CASKIN2: variants seen among roughly 807,000 people sequenced by gnomAD.
CASKIN2 encodes caskin-2.
In CASKIN2, 41 loss-of-function variants were observed where a neutral mutation model predicts 107.1. The ratio of observed to expected loss-of-function variants is 0.38; its 90% CI spans 0.30 to 0.50. The LOEUF (loss-of-function observed/expected upper bound fraction) is 0.50, where lower values mean the gene tolerates loss of function less well. CASKIN2 is among the 20% of genes least tolerant of loss of function. The pLI, the probability that CASKIN2 is intolerant of heterozygous loss-of-function variation, is 0.92. For missense variants in CASKIN2, 1,546 were observed against 1,657.4 expected, an observed-to-expected ratio of 0.93 and a Z score of 1.17; for synonymous variants, 724 against 705.6, an observed-to-expected ratio of 1.03 and a Z score of -0.41.
chr17:75,506,916 G>C lies in CASKIN2; in HGVS notation c.391-22C>G. 4.3e-6 allele frequency: 7 copies of C among 1,611,266 alleles called. No individual in the cohort carries two copies. Among genetic ancestry groups the C allele is most frequent in the Non-Finnish European group, 5.9e-6 (7 of 1,178,700 alleles). ...CTGACTGGGGTTGGGGGAGCCGAGT[G>C]AGGGGGCCTGGCCTGTCCGGCACCC... On this transcript the variant is annotated intron_variant, in intron 5 of 19. Coordinates refer to ENST00000321617, the MANE Select transcript of CASKIN2 (RefSeq NM_020753.5). This position sits in a 1 kb window ranked among gnomAD's most constrained non-coding sequence, Gnocchi z 4.8.
chr17:75,515,422 GT>G lies in CASKIN2; in HGVS notation c.-427del. The G allele has an allele frequency of 6.6e-6, 1 of 152,426 alleles. No homozygotes were observed. Among genetic ancestry groups the G allele is most frequent in the Non-Finnish European group, 1.5e-5 (1 of 68,114 alleles). The allele number at this position is 152,426 out of a possible 1,614,324, so 9.4% of individuals were successfully genotyped here. A position where few individuals can be genotyped will look rare whatever the true frequency, so the allele number is the denominator to read the frequency against. On this transcript the variant is annotated 5_prime_UTR_variant, in exon 1 of 20. Coordinates refer to ENST00000321617, the MANE Select transcript of CASKIN2 (RefSeq NM_020753.5). ...TCACCTCTCCCGGCCGCCCGCCGGGGTCCGGCTGGCCCTGCTCGGTCCCTGG... is the reference window on the plus strand; with the variant it reads ...TCACCTCTCCCGGCCGCCCGCCGGGGCCGGCTGGCCCTGCTCGGTCCCTGG...
At position 75,505,628 on chromosome 17, in the gene CASKIN2, G is replaced by A. The variant is rs1163629770; in HGVS notation, c.859C>T (p.Arg287Ter). 6.2e-7 allele frequency: 1 copy of A among 1,613,286 alleles called. No individual in the cohort carries two copies. The highest frequency in any genetic ancestry group is 1.7e-5 in the Admixed American group (1 of 60,008). Residue 287 changes from arginine to a stop codon, truncating the protein, a stop_gained, in exon 10 of 20, where the codon CGA becomes TGA. Transcript: ENST00000321617. LOFTEE classifies it high-confidence loss of function. The surrounding 1 kb of genome is among the most constrained non-coding windows in gnomAD (Gnocchi z 5.1). ...AGGTTCCAGAAATCCTTGAGCGCTC[G>A]GACCTTCAGGATCCCTGAGGCCTCT... The part of the protein sequence containing the change: ...LREASGILKV[R>*]ALKDFWNLHD...
chr17:75,501,400 T>C (rs2053181087), intron 19 of CASKIN2, 68 bp downstream of exon 19: 1 of 1,512,304 alleles, frequency 6.6e-7, no homozygotes, highest in Non-Finnish European at 9.1e-7. Context: ...CCATGATCCC[T>C]GGGCAGAGGA....
Position 75,506,399 on chromosome 17 carries a change from G to A in CASKIN2, c.632C>T (p.Ala211Val). 1 of 1,610,026 alleles carries A rather than the reference G, an allele frequency of 6.2e-7. No homozygotes were observed. The change falls in exon 8 of 20, where the codon GCT becomes GTT. Residue 211 changes from alanine to valine, a missense_variant. Around this residue, in one of 6 missense-constraint regions of CASKIN2, gnomAD observed 62 missense variants for 81.1 expected, o/e 0.76. Transcript: ENST00000321617. The surrounding 1 kb of genome is among the most constrained non-coding windows in gnomAD (Gnocchi z 4.8). ...GGTCTGGCGGTTGATCTCGATCCCAGCTCTCAGGAGCTGCCTGCAGTGGAC... is the reference window on the plus strand; with the variant it reads ...GGTCTGGCGGTTGATCTCGATCCCAACTCTCAGGAGCTGCCTGCAGTGGAC... Reference protein sequence around the residue: ...HREVIRQLLRAGIEINRQTKT... With the variant: ...HREVIRQLLRVGIEINRQTKT...
Position 75,500,921 on chromosome 17 carries a change from TG to T in CASKIN2, c.*158del. ...AAGGTGGGCTGCCCCACAAGAGCTG[TG>T]GTGCCCACAGCCGCGGGCTGAGTGG... On this transcript the variant is annotated 3_prime_UTR_variant, in exon 20 of 20. Transcript: ENST00000321617. 1.5e-6 allele frequency: 1 copy of T among 655,252 alleles called. No homozygotes were observed. The highest frequency in any genetic ancestry group is 2.6e-6 in the Non-Finnish European group (1 of 377,792). 40.6% of individuals were successfully genotyped at this position (655,252 alleles called of 1,614,324 possible).
At chr17:75,508,356 G>A in intron 2 of CASKIN2, 71 bp from the exon 3 acceptor site, 1 of 1,527,170 alleles carries the variant, frequency 6.5e-7, no homozygotes, top group Non-Finnish European at 9.0e-7. Context: ...CCCCCCACCT[G>A]TCACAGCCCG....
In CASKIN2 at chr17:75,505,596, A is replaced by G. The variant is rs751880811; in HGVS notation, c.891T>C (p.Asp297=). ...CTGCCCGGACATTGAGAGCAGTGGG[A>G]TCGTGGAGGTTCCAGAAATCCTTGA... ...RALKDFWNLH[D]PTALNVRAGD... Residue 297 remains aspartate, a synonymous_variant, in exon 10 of 20, where the codon GAT becomes GAC. Transcript: ENST00000321617. This position sits in a 1 kb window ranked among gnomAD's most constrained non-coding sequence, Gnocchi z 5.1. 6.2e-6 allele frequency: 10 copies of G among 1,613,464 alleles called. No individual in the cohort carries two copies. The East Asian group carries it at 2.0e-4, about 32-fold the overall frequency.
At position 75,501,621 on chromosome 17, in the gene CASKIN2, C is replaced by T. The variant is rs368108941; in HGVS notation, c.3365G>A (p.Arg1122Gln). 3.9e-5 allele frequency: 63 copies of T among 1,600,076 alleles called. No individual in the cohort carries two copies. The highest frequency in any genetic ancestry group is 4.4e-5 in the Non-Finnish European group (52 of 1,172,834). The change falls in exon 19 of 20, where the codon CGG becomes CAG. Residue 1122 changes from arginine (R) to glutamine (Q), a missense_variant. Arg to Gln is a conservative substitution (Grantham distance 43). Coordinates refer to ENST00000321617, the MANE Select transcript of CASKIN2 (RefSeq NM_020753.5). ...AGGAGGCACTGGGCGGGGGCCGAGC[C>T]GGGGCGCTAGCTTAGGGCCAGAAAA... ...LAFSGPKLAPRLGPRPVPPPR... is the reference protein window; with the variant it reads ...LAFSGPKLAPQLGPRPVPPPR...
intron 3 of CASKIN2, 61 bp downstream of exon 3, chr17:75,508,173 C>A (rs2146992170): frequency 5.8e-6 from 9 of 1,551,870 alleles, no homozygotes; most frequent in South Asian, 1.1e-5. Context: ...TCCAGCCCCA[C>A]CCCTGGGGCT....
In CASKIN2 at chr17:75,506,960, G is replaced by T. The variant is rs772351932; in HGVS notation, c.390+24C>A. The T allele has an allele frequency of 6.2e-7, 1 of 1,612,796 alleles. No individual in the cohort carries two copies. The highest frequency in any genetic ancestry group is 8.5e-7 in the Non-Finnish European group (1 of 1,179,454). ...GGCACCCCACCCTGCCCTGCGCCACGCCCCTGTGGGCAGCCTCACGTACCA... is the reference window on the plus strand; with the variant it reads ...GGCACCCCACCCTGCCCTGCGCCACTCCCCTGTGGGCAGCCTCACGTACCA... On this transcript the variant is annotated intron_variant, in intron 5 of 19. Coordinates refer to ENST00000321617, the MANE Select transcript of CASKIN2 (RefSeq NM_020753.5). The surrounding 1 kb of genome is among the most constrained non-coding windows in gnomAD (Gnocchi z 4.8).
chr17:75,503,603 CCACAGCTGAGGGTGACAG>C (rs2053228618), intron 16 of CASKIN2, 38 bp downstream of exon 16: 3 of 1,605,828 alleles, frequency 1.9e-6, no homozygotes, highest in Non-Finnish European at 2.5e-6. Flanking sequence ...CACCGCAAAG[CCACAGCTGAGGGTGACAG>C]CACGTGCCCC....
intron 2 of CASKIN2, among the ~76,000 whole-genome samples, chr17:75,510,251 T>G (rs572854716): frequency 6.6e-6 from 1 of 152,284 alleles, no homozygotes; most frequent in Non-Finnish European, 1.5e-5. Context: ...ACTGTACCCC[T>G]CTTCTCTCAG....
chr17:75,506,762 T>C lies in CASKIN2; in HGVS notation c.486+37A>G. The C allele has an allele frequency of 6.2e-7, 1 of 1,613,764 alleles. No homozygotes were observed. Among genetic ancestry groups the C allele is most frequent in the Non-Finnish European group, 8.5e-7 (1 of 1,179,966 alleles). On this transcript the variant is annotated intron_variant, in intron 6 of 19. Coordinates refer to ENST00000321617, the MANE Select transcript of CASKIN2 (RefSeq NM_020753.5). This position sits in a 1 kb window ranked among gnomAD's most constrained non-coding sequence, Gnocchi z 4.8. ...GAGCCTCCTCCTGAGACCCTGTAGA[T>C]GTCCAGGACCCAGCACCCCAAGGCT...
At position 75,504,403 on chromosome 17, in the gene CASKIN2, C is replaced by A; in HGVS notation, c.1375+17G>T. 1 of 1,605,662 alleles carries A rather than the reference C, an allele frequency of 6.2e-7. No homozygotes were observed. Among genetic ancestry groups the A allele is most frequent in the Non-Finnish European group, 8.5e-7 (1 of 1,174,318 alleles). ...TGCACCTCTCCTAGCCAACCCAGGT[C>A]CCCTGACCCTTCCTACCTGCCAGGG... On this transcript the variant is annotated intron_variant, in intron 13 of 19. Transcript: ENST00000321617.
intron 19 of CASKIN2, 58 bp from the exon 20 acceptor site, chr17:75,501,228 TG>T: frequency 6.8e-7 from 1 of 1,460,164 alleles, no homozygotes; most frequent in Non-Finnish European, 9.3e-7. Flanking sequence ...CCACTGGCCC[TG>T]GGGCAGGGAG....
intron 19 of CASKIN2, 34 bp from the exon 20 acceptor site, chr17:75,501,204 C>T: frequency 6.5e-7 from 1 of 1,538,020 alleles, no homozygotes. Flanking sequence ...TCAGATCAGC[C>T]AGTGGCCTGC....
At position 75,505,808 on chromosome 17, in the gene CASKIN2, C is replaced by A; in HGVS notation, c.835+13G>T. ...CCAGGCCCCCTGGGCAGGGTATCCT[C>A]CCCCGCACTCACCCCGCAGTAGCTG... On this transcript the variant is annotated intron_variant, in intron 9 of 19. Transcript: ENST00000321617. The surrounding 1 kb of genome is among the most constrained non-coding windows in gnomAD (Gnocchi z 5.1). The A allele has an allele frequency of 6.2e-7, 1 of 1,608,522 alleles. No homozygotes were observed. The highest frequency in any genetic ancestry group is 1.7e-5 in the Admixed American group (1 of 59,992).
At position 75,506,474 on chromosome 17, in the gene CASKIN2, G is replaced by C; in HGVS notation, c.618-61C>G. On this transcript the variant is annotated intron_variant, in intron 7 of 19. Transcript: ENST00000321617. The surrounding 1 kb of genome is among the most constrained non-coding windows in gnomAD (Gnocchi z 4.8). ...GTAGGAGGGGGTGCTGACTGCTGGG[G>C]GCCTGGGAGATGGAGAGCCCGGGTG... 1 of 1,555,574 alleles carries C rather than the reference G, an allele frequency of 6.4e-7. No individual in the cohort carries two copies. The highest frequency in any genetic ancestry group is 8.8e-7 in the Non-Finnish European group (1 of 1,136,822).
At position 75,503,064 on chromosome 17, in the gene CASKIN2, G is replaced by A. The variant is rs566377574; in HGVS notation, c.2010C>T (p.Ser670=). The A allele has an allele frequency of 2.1e-5, 34 of 1,606,664 alleles. No homozygotes were observed. The highest frequency in any genetic ancestry group is 1.8e-4 in the Middle Eastern group (1 of 5,576). The change falls in exon 18 of 20, where the codon AGC becomes AGT. Residue 670 remains serine, a synonymous_variant. Transcript: ENST00000321617. ...CCGCCTGTAGCTCTGGGCTTAGTTC[G>A]CTGCCCTGGAAGGTGAGGAGCCGTG... The part of the protein sequence containing the change: ...AGPRLLTFQG[S]ELSPELQAAM...
Sources: gnomAD v4.1 joint callset for allele counts (sites outside exome capture counted in the v4.1 genomes callset) on GRCh38, gnomAD v4.1.1 for gene constraint, gnomAD v4.1.1 regional missense constraint, Gnocchi (gnomAD v3.1) non-coding constraint, MANE v1.5 for transcripts, NCBI Gene and HGNC (gene_info 2026-07-23, HGNC 2026-07-21) for gene names.